Variants in POU3F3 observed in about 807,000 individuals in gnomAD.
POU3F3 encodes the protein POU class 3 homeobox 3, also known as POU domain, class 3, transcription factor 3.
A neutral mutation model predicts 8.6 loss-of-function variants in POU3F3; 1 was observed. The ratio of observed to expected loss-of-function variants is 0.12; its 90% CI spans 0.04 to 0.55. The LOEUF (loss-of-function observed/expected upper bound fraction) is 0.55. POU3F3 is among the 20% of genes least tolerant of loss of function. The pLI is 0.91. For missense variants in POU3F3, 577 were observed against 690.7 expected (o/e 0.84, Z 1.84); for synonymous variants, 418 against 327.4 (o/e 1.28, Z -2.99).
chr2:104,868,368 C>T, the POU3F3 span: 5 of 456,680 alleles, frequency 1.1e-5, no homozygotes, highest in South Asian at 7.7e-5. Context: ...CCTCCGCCGA[C>T]AAAGTGGGTG....
At chr2:104,887,419 A>G in the POU3F3 span, among the ~76,000 whole-genome samples, 1 of 152,168 alleles carries the variant, frequency 6.6e-6, no homozygotes, top group Non-Finnish European at 1.5e-5. Flanking sequence ...ATGCATCTCC[A>G]TCGTTTGATC....
the POU3F3 span, among the ~76,000 whole-genome samples, chr2:104,895,060 TGA>T: frequency 2.2e-5 from 1 of 46,066 alleles, no homozygotes; most frequent in South Asian, 1.1e-3. Context: ...TGTGCACAGG[TGA>T]GTGTGTGTGT....
At chr2:104,907,664 G>C in the POU3F3 span, among the ~76,000 whole-genome samples, 28 of 152,132 alleles carry the variant, frequency 1.8e-4, no homozygotes, top group Middle Eastern at 0.014. Flanking sequence ...GCTAAGGCTT[G>C]GTTTAATCCT....
chr2:104,876,305 T>C, the POU3F3 span, among the ~76,000 whole-genome samples: 4 of 152,210 alleles, frequency 2.6e-5, no homozygotes, highest in African/African-American at 9.7e-5. Context: ...GAAATACTAG[T>C]GCCTTAGACA....
chr2:104,892,971 T>C, the POU3F3 span, among the ~76,000 whole-genome samples: 1 of 151,968 alleles, frequency 6.6e-6, no homozygotes, highest in African/African-American at 2.4e-5. Flanking sequence ...GACTCAGGGG[T>C]TGGCTAAGGG....
chr2:104,890,100 A>G, the POU3F3 span, among the ~76,000 whole-genome samples: 1 of 152,144 alleles, frequency 6.6e-6, no homozygotes, highest in Admixed American at 6.5e-5. Context: ...TCAGGTCCCA[A>G]GCGAGATAGC....
At chr2:104,915,860 G>A in the POU3F3 span, among the ~76,000 whole-genome samples, 1 of 152,028 alleles carries the variant, frequency 6.6e-6, no homozygotes, top group Admixed American at 6.6e-5. Flanking sequence ...CACCCCTGAG[G>A]TATGGGTTCT....
At position 104,855,042 on chromosome 2, in the gene POU3F3, G is replaced by A. The variant is rs1161853386; in HGVS notation, c.-469G>A. Reference sequence around the variant, plus strand: ...AGGACAGGAGGAGGAGCGGGAGCCCGCGCGTCCCGGGAGAGCGCCCCGAGT... The same window carrying A: ...AGGACAGGAGGAGGAGCGGGAGCCCACGCGTCCCGGGAGAGCGCCCCGAGT... On this transcript the variant is annotated 5_prime_UTR_variant, in exon 1 of 1. Transcript: ENST00000361360. 6.6e-6 allele frequency among the ~76,000 whole-genome samples: 1 copy of A among 152,020 alleles called. No homozygotes were observed. Among genetic ancestry groups the A allele is most frequent in the Admixed American group, 6.5e-5 (1 of 15,286 alleles).
chr2:104,898,186 G>T, the POU3F3 span, among the ~76,000 whole-genome samples: 37 of 152,216 alleles, frequency 2.4e-4, no homozygotes, highest in African/African-American at 8.9e-4. Flanking sequence ...GACACGTGGA[G>T]AGGTAGGCAG....
the POU3F3 span, among the ~76,000 whole-genome samples, chr2:104,916,513 G>C: frequency 6.6e-6 from 1 of 152,194 alleles, no homozygotes; most frequent in Non-Finnish European, 1.5e-5. Context: ...ACAAGGGCTG[G>C]AGAATCTGCT....
the POU3F3 span, among the ~76,000 whole-genome samples, chr2:104,900,504 C>T: frequency 5.3e-5 from 8 of 152,100 alleles, no homozygotes; most frequent in Non-Finnish European, 1.2e-4. Flanking sequence ...AATATGAATG[C>T]GAGAAGGTGT....
chr2:104,886,181 C>G, the POU3F3 span, among the ~76,000 whole-genome samples: 18 of 152,194 alleles, frequency 1.2e-4, 2 homozygotes, highest in Admixed American at 1.2e-3. Context: ...GTCCAAGAAC[C>G]CTCTCTTGGG....
the POU3F3 span, among the ~76,000 whole-genome samples, chr2:104,883,988 C>T: frequency 3.9e-5 from 6 of 152,112 alleles, no homozygotes; most frequent in Admixed American, 6.5e-5. Context: ...CTCTCACTTC[C>T]CTAGGTGAGT....
chr2:104,871,395 A>G, the POU3F3 span, among the ~76,000 whole-genome samples: 1 of 152,268 alleles, frequency 6.6e-6, no homozygotes, highest in Non-Finnish European at 1.5e-5. Context: ...GTGCGGTAAA[A>G]ATATTAGGTA....
downstream of POU3F3, among the ~76,000 whole-genome samples, chr2:104,858,987 C>T (rs1676624744): frequency 6.6e-6 from 1 of 151,710 alleles, no homozygotes; most frequent in Non-Finnish European, 1.5e-5. Flanking sequence ...CTTCTCCTGT[C>T]CCCCTCCCAA....
chr2:104,861,941 T>G (rs1244261068), downstream of POU3F3, among the ~76,000 whole-genome samples: 1 of 152,182 alleles, frequency 6.6e-6, no homozygotes, highest in African/African-American at 2.4e-5. Flanking sequence ...CCTCTGCGTT[T>G]GCATCCTGAA....
In POU3F3 at chr2:104,857,160, C is replaced by A; in HGVS notation, c.*147C>A. 1.2e-6 allele frequency: 1 copy of A among 855,700 alleles called. No homozygotes were observed. Among genetic ancestry groups the A allele is most frequent in the Non-Finnish European group, 1.4e-6 (1 of 711,886 alleles). The allele number at this position is 855,700 out of a possible 1,614,324, so 53.0% of individuals were successfully genotyped here. On this transcript the variant is annotated 3_prime_UTR_variant, in exon 1 of 1. Transcript: ENST00000361360. ...CCTGCACCTGGGCCGCTCCGGGCTC[C>A]AGCCCAGGCCCATCCGCCGCCCTCC...
the POU3F3 span, among the ~76,000 whole-genome samples, chr2:104,924,067 G>A: frequency 0.039 from 5,913 of 152,222 alleles, 388 homozygotes; most frequent in African/African-American, 0.14. Flanking sequence ...AGAGATGGAC[G>A]ATAGTGATAA....
At chr2:104,906,644 G>C in the POU3F3 span, among the ~76,000 whole-genome samples, 1 of 152,164 alleles carries the variant, frequency 6.6e-6, no homozygotes. Flanking sequence ...TTCCAGCAAA[G>C]TTGTTTCTCC....
Sources: allele counts gnomAD v4.1 joint callset (sites outside exome capture counted in the v4.1 genomes callset), GRCh38; gene constraint gnomAD v4.1.1; transcripts MANE v1.5; gene names NCBI Gene and HGNC (gene_info 2026-07-23, HGNC 2026-07-21).